The following RNH1 variants were observed in gnomAD, a reference collection of about 807,000 sequenced individuals.
RNH1 encodes ribonuclease/angiogenin inhibitor 1.
A neutral mutation model predicts 46.1 loss-of-function variants in RNH1; 38 were observed. The observed-to-expected ratio is 0.82, with a 90% CI of 0.64 to 1.08. The LOEUF is 1.08. RNH1 is among the 50% of genes least tolerant of loss of function. The pLI is 0.00. For missense variants in RNH1, 577 were observed against 590.7 expected, an observed-to-expected ratio of 0.98 and a Z score of 0.24; for synonymous variants, 319 against 279.1, an observed-to-expected ratio of 1.14 and a Z score of -1.43.
intron 9 of RNH1, among the ~76,000 whole-genome samples, chr11:497,459 T>A (rs564407935): frequency 1.0e-4 from 12 of 120,000 alleles, no homozygotes; most frequent in African/African-American, 3.6e-4. Flanking sequence ...TCACACACAC[T>A]CGTGCTCCCT....
In RNH1 at chr11:498,758, C is replaced by G. The variant is rs752156403; in HGVS notation, c.785+5G>C. 6.3e-7 allele frequency: 1 copy of G among 1,595,376 alleles called. No homozygotes were observed. The highest frequency in any genetic ancestry group is 1.1e-5 in the South Asian group (1 of 90,448). On this transcript the variant is annotated splice_donor_5th_base_variant and intron_variant, in intron 7 of 10. Coordinates refer to ENST00000354420, the MANE Select transcript of RNH1 (RefSeq NM_203387.3). ...CGGGAAGGAGGCCTCGCGGAGATGACTCACCACAGGGTCCTGAGCCTGGAG... is the reference window on the plus strand; with the variant it reads ...CGGGAAGGAGGCCTCGCGGAGATGAGTCACCACAGGGTCCTGAGCCTGGAG...
At position 499,714 on chromosome 11, in the gene RNH1, C is replaced by G; in HGVS notation, c.443+115G>C. 5.5e-6 allele frequency: 7 copies of G among 1,268,416 alleles called. No individual in the cohort carries two copies. In the South Asian group the frequency reaches 9.0e-5, roughly 16 times the overall value. 78.6% of individuals were successfully genotyped at this position (1,268,416 alleles called of 1,614,324 possible). Reference sequence around the variant, plus strand: ...ATGGGGAAAGGAGAGCACCACAAGGCCCCTGTGACCTGAGTCCCCTCCTCA... The same window carrying G: ...ATGGGGAAAGGAGAGCACCACAAGGGCCCTGTGACCTGAGTCCCCTCCTCA... On this transcript the variant is annotated intron_variant, in intron 5 of 10. Coordinates refer to ENST00000354420, the MANE Select transcript of RNH1 (RefSeq NM_203387.3).
rs139999569 is a variant in RNH1, at chr11:502,566, G to A, written c.-87-317C>T. 242 of 253,634 alleles carry A rather than the reference G, an allele frequency of 9.5e-4. 1 individual carries two copies. The highest frequency in any genetic ancestry group is 5.0e-3 in the African/African-American group (229 of 46,012). 15.7% of individuals were successfully genotyped at this position (253,634 alleles called of 1,614,324 possible). ...TGCTTGGGCAAGGACAGGGTAGGGT[G>A]GGGTGGTCTGTGAGCCTGGAGGCCC... On this transcript the variant is annotated intron_variant, in intron 2 of 10. Transcript: ENST00000354420. The surrounding 1 kb of genome is among the most constrained non-coding windows in gnomAD (Gnocchi z 5.8).
rs774265363 is a variant in RNH1, at chr11:499,820, C to T, written c.443+9G>A. On this transcript the variant is annotated intron_variant, in intron 5 of 10. Coordinates refer to ENST00000354420, the MANE Select transcript of RNH1 (RefSeq NM_203387.3). ...CCAGCATGGGCCCTGGGGCAGGACA[C>T]AAACTCACTGCAGCTTTTCCAGGCG... The T allele has an allele frequency of 2.5e-6, 4 of 1,603,248 alleles. No individual in the cohort carries two copies. The East Asian group carries it at 8.9e-5, about 36-fold the overall frequency.
In RNH1 at chr11:499,608, G is replaced by A. The variant is rs986852903; in HGVS notation, c.443+221C>T. 2.1e-5 allele frequency: 15 copies of A among 722,862 alleles called. No homozygotes were observed. The African/African-American group carries it at 2.1e-4, about 10-fold the overall frequency. The allele number at this position is 722,862 out of a possible 1,614,324, so 44.8% of individuals were successfully genotyped here. On this transcript the variant is annotated intron_variant, in intron 5 of 10. Coordinates refer to ENST00000354420, the MANE Select transcript of RNH1 (RefSeq NM_203387.3). ...GTGCCTTGCAAAGGACAACTGGATG[G>A]GGAGGGAGGGTGATGACAGATCCCC... is the stretch of plus-strand genomic sequence containing the variant.
rs759988321 is a variant in RNH1, at chr11:495,038, A to G, written c.1143T>C (p.Asp381=). Reference sequence around the variant, plus strand: ...GGCTGCTGCAGCTGCTGTCACTCACATCGCAGTCGGCCAACCTGGGTGAAG... The same window carrying G: ...GGCTGCTGCAGCTGCTGTCACTCACGTCGCAGTCGGCCAACCTGGGTGAAG... ...VLRVLWLADC[D]VSDSSCSSLA... is the part of the protein sequence containing the mutation. Residue 381 remains aspartate, a synonymous_variant, in exon 10 of 11, where the codon GAT becomes GAC. Transcript: ENST00000354420. 7 of 1,604,890 alleles carry G rather than the reference A, an allele frequency of 4.4e-6. No individual in the cohort carries two copies. Among genetic ancestry groups the G allele is most frequent in the East Asian group, 2.2e-5 (1 of 44,654 alleles).
Position 501,841 on chromosome 11 carries a change from G to GCCCA in RNH1, c.101+217_101+220dup, listed in dbSNP as rs1565036012. 1.1e-5 allele frequency: 6 copies of GCCCA among 559,206 alleles called. No homozygotes were observed. In the Admixed American group the frequency reaches 1.9e-4, roughly 17 times the overall value. The allele number at this position is 559,206 out of a possible 1,614,324, so 34.6% of individuals were successfully genotyped here. ...GGCCAGTGGCCGCCCACCTCGGCCC[G>GCCCA]CCCACCTCAGCCCATGCTGCATGAG... On this transcript the variant is annotated intron_variant, in intron 3 of 10. Coordinates refer to ENST00000354420, the MANE Select transcript of RNH1 (RefSeq NM_203387.3). This position sits in a 1 kb window ranked among gnomAD's most constrained non-coding sequence, Gnocchi z 4.1.
intron 2 of RNH1, 41 bp downstream of exon 2, chr11:504,783 C>G (rs566803342): frequency 6.6e-6 from 1 of 152,438 alleles, no homozygotes; most frequent in East Asian, 1.9e-4. Flanking sequence ...CACAAGCAGG[C>G]CGGATTCCAG....
Position 494,977 on chromosome 11 carries a change from C to CA in RNH1, c.1203dup (p.Glu402Ter). 1 of 1,606,482 alleles carries CA rather than the reference C, an allele frequency of 6.2e-7. No homozygotes were observed. The highest frequency in any genetic ancestry group is 8.5e-7 in the Non-Finnish European group (1 of 1,176,878). On this transcript the variant is annotated frameshift_variant, in exon 10 of 11. Coordinates refer to ENST00000354420, the MANE Select transcript of RNH1 (RefSeq NM_203387.3). LOFTEE classifies it high-confidence loss of function. ...AGGCAGTTGTTGCTGAGGTCCAGCTCACGCAGGCTGTGGTTGGCCAACAGG... is the reference window on the plus strand; with the variant it reads ...AGGCAGTTGTTGCTGAGGTCCAGCTCAACGCAGGCTGTGGTTGGCCAACAGG...
In RNH1 at chr11:506,457, G is replaced by GTGCC. The variant is rs1850277652; in HGVS notation, c.-261+652_-261+655dup. On this transcript the variant is annotated intron_variant, in intron 1 of 10. Coordinates refer to ENST00000354420, the MANE Select transcript of RNH1 (RefSeq NM_203387.3). The stretch of plus-strand genomic sequence containing the variant: ...TGACAACCCTGACACCGGCCCCTAA[G>GTGCC]TGCCATTCCAGTTATGTTGCTCTCC... 2.6e-5 allele frequency: 4 copies of GTGCC among 152,334 alleles called. No individual in the cohort carries two copies. The East Asian group carries it at 5.8e-4, about 22-fold the overall frequency. The allele number at this position is 152,334 out of a possible 1,614,324, so 9.4% of individuals were successfully genotyped here.
chr11:505,470 TGGAAGA>T (rs1388738904), intron 1 of RNH1: 1 of 152,152 alleles, frequency 6.6e-6, no homozygotes, highest in Non-Finnish European at 1.5e-5. Flanking sequence ...CTCTAGAAGT[TGGAAGA>T]GGAAAAGAAG....
At position 500,525 on chromosome 11, in the gene RNH1, G is replaced by A; in HGVS notation, c.231C>T (p.Leu77=). The stretch of plus-strand genomic sequence containing the variant: ...TGCAGGAGGGGGTCTGCAGGCCCTG[G>A]AGCACGCAATGCACGCCGACATCGC... ...ELGDVGVHCV[L]QGLQTPSCKI... Residue 77 remains leucine (L), a synonymous_variant, in exon 4 of 11, where the codon CTC becomes CTT. Transcript: ENST00000354420. 6.2e-7 allele frequency: 1 copy of A among 1,610,152 alleles called. No individual in the cohort carries two copies. Among genetic ancestry groups the A allele is most frequent in the South Asian group, 1.1e-5 (1 of 91,064 alleles).
rs1366458239 is a variant in RNH1 at position 501,627 on chromosome 11, A to G, written c.101+435T>C. The G allele has an allele frequency of 1.1e-5, 2 of 175,522 alleles. No individual in the cohort carries two copies. Among genetic ancestry groups the G allele is most frequent in the African/African-American group, 4.7e-5 (2 of 42,256 alleles). 10.9% of individuals were successfully genotyped at this position (175,522 alleles called of 1,614,324 possible). ...AAAAGAGAAAAGATGCGGCCCACCCAGGCACTCGTGTCCTGCTTGTGAAGC... is the reference window on the plus strand; with the variant it reads ...AAAAGAGAAAAGATGCGGCCCACCCGGGCACTCGTGTCCTGCTTGTGAAGC... On this transcript the variant is annotated intron_variant, in intron 3 of 10. Transcript: ENST00000354420. The surrounding 1 kb of genome is among the most constrained non-coding windows in gnomAD (Gnocchi z 4.1).
rs1849833825 is a variant in RNH1 at position 502,458 on chromosome 11, T to C, written c.-87-209A>G. 8.4e-6 allele frequency: 4 copies of C among 475,980 alleles called. No individual in the cohort carries two copies. Among genetic ancestry groups the C allele is most frequent in the Non-Finnish European group, 1.5e-5 (4 of 259,226 alleles). The allele number at this position is 475,980 out of a possible 1,614,324, so 29.5% of individuals were successfully genotyped here. Reference sequence around the variant, plus strand: ...CAGATGCCAGCCCATCTCCTGGCTATCACCACCCAGCCTCTGTGGGCACCT... The same window carrying C: ...CAGATGCCAGCCCATCTCCTGGCTACCACCACCCAGCCTCTGTGGGCACCT... On this transcript the variant is annotated intron_variant, in intron 2 of 10. Transcript: ENST00000354420. The surrounding 1 kb of genome is among the most constrained non-coding windows in gnomAD (Gnocchi z 5.8).
Position 495,013 on chromosome 11 carries a change from G to A in RNH1, c.1168C>T (p.Leu390Phe), listed in dbSNP as rs1488909511. ...CDVSDSSCSS[L>F]AATLLANHSL... is the part of the protein sequence containing the mutation. ...TGGTTGGCCAACAGGGTTGCGGCGA[G>A]GCTGCTGCAGCTGCTGTCACTCACA... The change falls in exon 10 of 11, where the codon CTC becomes TTC. Residue 390 changes from leucine (L) to phenylalanine (F), a missense_variant. Coordinates refer to ENST00000354420, the MANE Select transcript of RNH1 (RefSeq NM_203387.3). 8 of 1,604,824 alleles carry A rather than the reference G, an allele frequency of 5.0e-6. No individual in the cohort carries two copies. Among genetic ancestry groups the A allele is most frequent in the Non-Finnish European group, 6.0e-6 (7 of 1,176,446 alleles).
intron 10 of RNH1, 32 bp from the exon 11 acceptor site, chr11:494,810 C>G (rs751631730): frequency 3.0e-5 from 48 of 1,612,876 alleles, no homozygotes; most frequent in Non-Finnish European, 4.0e-5. Context: ...GGCATGGGCC[C>G]GTGTCCTCCC....
Position 494,571 on chromosome 11 carries a change from G to A in RNH1, c.*120C>T. 2 of 839,682 alleles carry A rather than the reference G, an allele frequency of 2.4e-6. No individual in the cohort carries two copies. The highest frequency in any genetic ancestry group is 2.4e-5 in the East Asian group (1 of 41,114). 52.0% of individuals were successfully genotyped at this position (839,682 alleles called of 1,614,324 possible). A position where few individuals can be genotyped will look rare whatever the true frequency, so the allele number is the denominator to read the frequency against. ...GTCCAAAATATACTGGCAGAAATAA[G>A]CGGATCTGAGCGTTTCTCTTCAAAC... On this transcript the variant is annotated 3_prime_UTR_variant, in exon 11 of 11. Transcript: ENST00000354420.
At position 502,748 on chromosome 11, in the gene RNH1, G is replaced by A. The variant is rs1431547390; in HGVS notation, c.-87-499C>T. 1 of 153,728 alleles carries A rather than the reference G, an allele frequency of 6.5e-6. No homozygotes were observed. The highest frequency in any genetic ancestry group is 1.5e-5 in the Non-Finnish European group (1 of 68,876). 9.5% of individuals were successfully genotyped at this position (153,728 alleles called of 1,614,324 possible). ...AGTGTCCGAAGCAAGACAGAGCAGGGGGGCGGCCACTTGGGGTGTCAGCTT... is the reference window on the plus strand; with the variant it reads ...AGTGTCCGAAGCAAGACAGAGCAGGAGGGCGGCCACTTGGGGTGTCAGCTT... On this transcript the variant is annotated intron_variant, in intron 2 of 10. Coordinates refer to ENST00000354420, the MANE Select transcript of RNH1 (RefSeq NM_203387.3). This position sits in a 1 kb window ranked among gnomAD's most constrained non-coding sequence, Gnocchi z 5.8.
chr11:503,959 G>A (rs1379415592), intron 2 of RNH1, among the ~76,000 whole-genome samples: 1 of 152,088 alleles, frequency 6.6e-6, no homozygotes, highest in East Asian at 1.9e-4. Context: ...GAAGTCCCTG[G>A]CTCCCTACAC....
Sources: gnomAD v4.1 joint callset for allele counts (sites outside exome capture counted in the v4.1 genomes callset) on GRCh38, gnomAD v4.1.1 for gene constraint, Gnocchi (gnomAD v3.1) non-coding constraint, MANE v1.5 for transcripts, NCBI Gene and HGNC (gene_info 2026-07-23, HGNC 2026-07-21) for gene names.